Variants in PTPRG observed in about 807,000 individuals in gnomAD.
The protein encoded by PTPRG is protein tyrosine phosphatase receptor type G.
PTPRG carries 102 observed loss-of-function variants against 165.3 expected under a neutral mutation model. The ratio of observed to expected loss-of-function variants is 0.62; its 90% confidence interval spans 0.53 to 0.73. The LOEUF is 0.73. PTPRG is among the 30% of genes least tolerant of loss of function. The pLI is 0.00. For missense variants in PTPRG, 1,866 were observed against 1,861.4 expected (o/e 1.00, Z -0.05); for synonymous variants, 675 against 669.5 (o/e 1.01, Z -0.13).
intron 12 of PTPRG, among the ~76,000 whole-genome samples, chr3:62,207,028 T>C (rs970413221): frequency 2.0e-5 from 3 of 150,160 alleles, no homozygotes; most frequent in Non-Finnish European, 4.4e-5. Context: ...TTCTGAAAGC[T>C]AAAAAAAACT....
intron 4 of PTPRG, among the ~76,000 whole-genome samples, chr3:62,072,692 A>C (rs1481635920): frequency 6.6e-6 from 1 of 152,036 alleles, no homozygotes; most frequent in Non-Finnish European, 1.5e-5. Context: ...GGAACTCTAC[A>C]TGATGAAGGA....
intron 5 of PTPRG, among the ~76,000 whole-genome samples, chr3:62,110,341 C>T (rs996241059): frequency 6.6e-6 from 1 of 152,034 alleles, no homozygotes; most frequent in African/African-American, 2.4e-5. Context: ...CTATTTTGTT[C>T]AGCATGCTCA....
intron 2 of PTPRG, among the ~76,000 whole-genome samples, chr3:61,887,157 T>TTTTTA (rs2038069727): frequency 1.1e-5 from 1 of 87,102 alleles, no homozygotes; most frequent in African/African-American, 3.2e-5. Flanking sequence ...TATATATATA[T>TTTTTA]ATATATATAT....
intron 4 of PTPRG, among the ~76,000 whole-genome samples, chr3:62,021,387 TTGAC>T (rs1381010340): frequency 4.6e-5 from 7 of 152,232 alleles, no homozygotes; most frequent in Non-Finnish European, 1.0e-4. Flanking sequence ...AACATGCTAT[TTGAC>T]TGGTTGACAT....
At position 62,296,772 on chromosome 3, in the gene PTPRG, A is replaced by G. The variant is rs1252592701; in HGVS notation, c.*3465A>G. The G allele has an allele frequency of 6.6e-6, 1 of 152,012 alleles. No homozygotes were observed. The highest frequency in any genetic ancestry group is 1.5e-5 in the Non-Finnish European group (1 of 67,944). 9.4% of individuals were successfully genotyped at this position (152,012 alleles called of 1,614,324 possible). ...AAGAAGAAGGCATGCTACAAATAGG[A>G]AGGAATTGTAATAATGATATTTGGC... On this transcript the variant is annotated 3_prime_UTR_variant, in exon 30 of 30. Coordinates refer to ENST00000474889, the MANE Select transcript of PTPRG (RefSeq NM_002841.4).
intron 2 of PTPRG, among the ~76,000 whole-genome samples, chr3:61,977,438 G>T (rs1180116710): frequency 6.6e-6 from 1 of 152,092 alleles, no homozygotes; most frequent in Non-Finnish European, 1.5e-5. Flanking sequence ...TATCTCCCTG[G>T]ATCATGCATG....
At chr3:61,745,581 C>G (rs932105024) in intron 1 of PTPRG, among the ~76,000 whole-genome samples, 1 of 152,196 alleles carries the variant, frequency 6.6e-6, no homozygotes, top group Non-Finnish European at 1.5e-5. Context: ...TAAGATTAAC[C>G]TACCTTCTTG....
chr3:61,804,001 A>G (rs1193265424), intron 2 of PTPRG, among the ~76,000 whole-genome samples: 2 of 152,228 alleles, frequency 1.3e-5, no homozygotes, highest in Non-Finnish European at 2.9e-5. Flanking sequence ...CTTAGATCAA[A>G]CAAGACCACA....
chr3:61,968,474 C>G (rs145742632), intron 2 of PTPRG, among the ~76,000 whole-genome samples: 1 of 152,194 alleles, frequency 6.6e-6, no homozygotes, highest in African/African-American at 2.4e-5. Flanking sequence ...CACATGTAGA[C>G]TCATTGGGCT....
chr3:62,178,560 G>T (rs1705524853), intron 8 of PTPRG, among the ~76,000 whole-genome samples: 2 of 152,130 alleles, frequency 1.3e-5, no homozygotes, highest in Admixed American at 6.5e-5. Context: ...ATGGAGCGAG[G>T]GCTTTTCTGT....
chr3:62,251,422 A>G (rs1398451527), intron 15 of PTPRG, among the ~76,000 whole-genome samples: 1 of 152,022 alleles, frequency 6.6e-6, no homozygotes, highest in Non-Finnish European at 1.5e-5. Flanking sequence ...GCTGAGGTGG[A>G]AGGATTGCTT....
chr3:61,582,398 T>C (rs1034594681), intron 1 of PTPRG, among the ~76,000 whole-genome samples: 7 of 152,212 alleles, frequency 4.6e-5, no homozygotes, highest in African/African-American at 1.7e-4. Flanking sequence ...AGTGGAAAGC[T>C]GTCCAGTACA....
rs767806088 is a variant in PTPRG, at chr3:62,191,137, C to CTAG, written c.1034-331_1034-330insAGT. The stretch of plus-strand genomic sequence containing the variant: ...CATGCACATGTGTGCGTGTGTGCGT[C>CTAG]TGTGTCCCGTGCACGTGTGTGTGCG... On this transcript the variant is annotated intron_variant, in intron 8 of 29. Coordinates refer to ENST00000474889, the MANE Select transcript of PTPRG (RefSeq NM_002841.4). Among the ~76,000 whole-genome samples the CTAG allele has an allele frequency of 2.0e-4, 31 of 151,720 alleles. No individual in the cohort carries two copies. In the East Asian group the frequency reaches 5.7e-3, roughly 28 times the overall value.
intron 5 of PTPRG, among the ~76,000 whole-genome samples, chr3:62,129,266 A>G (rs564183099): frequency 2.0e-5 from 3 of 152,296 alleles, no homozygotes; most frequent in Non-Finnish European, 4.4e-5. Flanking sequence ...CCTTTTGCAT[A>G]GCCTACAAAT....
intron 2 of PTPRG, among the ~76,000 whole-genome samples, chr3:61,987,840 G>A (rs529177977): frequency 3.9e-5 from 6 of 152,050 alleles, no homozygotes; most frequent in Admixed American, 6.6e-5. Context: ...CGTCTCGTTC[G>A]TCTCCTTTTT....
intron 1 of PTPRG, among the ~76,000 whole-genome samples, chr3:61,605,063 C>G (rs143571667): frequency 6.6e-6 from 1 of 152,120 alleles, no homozygotes; most frequent in Non-Finnish European, 1.5e-5. Flanking sequence ...ACACTCTGTC[C>G]TTCAGCACAT....
chr3:61,986,801 A>C (rs1165851544), intron 2 of PTPRG, among the ~76,000 whole-genome samples: 1 of 152,204 alleles, frequency 6.6e-6, no homozygotes, highest in Admixed American at 6.5e-5. Context: ...CTAAAGTGCA[A>C]GTGACTTCTT....
At chr3:62,157,920 A>G (rs1158922105) in intron 7 of PTPRG, among the ~76,000 whole-genome samples, 1 of 152,258 alleles carries the variant, frequency 6.6e-6, no homozygotes, top group Non-Finnish European at 1.5e-5. Context: ...AGAGATGGGT[A>G]TTCACATAGA....
chr3:61,817,739 T>C (rs1386298534), intron 2 of PTPRG, among the ~76,000 whole-genome samples: 2 of 152,168 alleles, frequency 1.3e-5, no homozygotes, highest in African/African-American at 4.8e-5. Flanking sequence ...GTGCTGGGCC[T>C]ACTTGGGATG....
Sources: gnomAD v4.1 joint callset for allele counts (sites outside exome capture counted in the v4.1 genomes callset) on GRCh38, gnomAD v4.1.1 for gene constraint, MANE v1.5 for transcripts, NCBI Gene and HGNC (gene_info 2026-07-23, HGNC 2026-07-21) for gene names.